Variants in CCBE1 observed in about 807,000 individuals in gnomAD.
CCBE1 encodes collagen and calcium-binding EGF domain-containing protein 1.
CCBE1 carries 37 observed loss-of-function variants against 50.0 expected under a neutral mutation model. That is an observed-to-expected ratio of 0.74 (90% CI 0.57 to 0.97). CCBE1 has a LOEUF of 0.97. Among genes scored for constraint, CCBE1 ranks in the 50% least tolerant of loss-of-function variants. The pLI, the probability that CCBE1 is intolerant of heterozygous loss-of-function variation, is 0.00. For synonymous variants in CCBE1, 234 were observed against 203.7 expected, an observed-to-expected ratio of 1.15 and a Z score of -1.27; for missense variants, 538 against 523.8, an observed-to-expected ratio of 1.03 and a Z score of -0.26.
rs529620696 is a variant in CCBE1, at chr18:59,579,902, C to T, written c.213-99664G>A. Among the ~76,000 whole-genome samples the T allele has an allele frequency of 5.9e-5, 9 of 152,102 alleles. No individual in the cohort carries two copies. The East Asian group carries it at 1.7e-3, about 29-fold the overall frequency. ...CCCTAGAACAACTGCTGCTGCTGAG[C>T]ACATGAAAAAAAAGATGCCTCTGGG... On this transcript the variant is annotated intron_variant, in intron 2 of 10. Transcript: ENST00000439986.
In CCBE1 at chr18:59,619,814, G is replaced by A. The variant is rs567112778; in HGVS notation, c.212+76815C>T. Among the ~76,000 whole-genome samples the A allele has an allele frequency of 3.6e-3, 553 of 152,176 alleles. 6 individuals carry two copies. Among genetic ancestry groups the A allele is most frequent in the Non-Finnish European group, 6.4e-3 (437 of 68,010 alleles). On this transcript the variant is annotated intron_variant, in intron 2 of 10. Transcript: ENST00000439986. ...TCCTCTTGTTTTGATGAGGTAAAGA[G>A]GTCTTAAACTATTCCAGCTGAATTT...
At chr18:59,696,384 G>C in intron 2 of CCBE1, 1 of 986,844 alleles carries the variant, frequency 1.0e-6, no homozygotes, top group Non-Finnish European at 1.4e-6. Flanking sequence ...GTATTTCAGG[G>C]AGCGGCAACC....
At chr18:59,531,448 A>G (rs1450521485) in intron 2 of CCBE1, among the ~76,000 whole-genome samples, 1 of 152,194 alleles carries the variant, frequency 6.6e-6, no homozygotes, top group Non-Finnish European at 1.5e-5. Flanking sequence ...GCCAAAAAAA[A>G]TTTTGTCCCC....
At chr18:59,548,297 G>A (rs1915785746) in intron 2 of CCBE1, among the ~76,000 whole-genome samples, 1 of 152,166 alleles carries the variant, frequency 6.6e-6, no homozygotes, top group Admixed American at 6.5e-5. Context: ...CTGACATGAA[G>A]ACAATAAAAT....
intron 10 of CCBE1, among the ~76,000 whole-genome samples, chr18:59,436,503 C>A (rs1393458710): frequency 6.6e-6 from 1 of 152,190 alleles, no homozygotes; most frequent in Non-Finnish European, 1.5e-5. Context: ...GGATTTGAAT[C>A]TCATCTCTGC....
chr18:59,515,486 A>T (rs1422680552), intron 2 of CCBE1, among the ~76,000 whole-genome samples: 1 of 152,198 alleles, frequency 6.6e-6, no homozygotes, highest in East Asian at 1.9e-4. Flanking sequence ...ATGTCTTCTC[A>T]GAGTTACTAT....
intron 5 of CCBE1, chr18:59,459,109 C>A (rs1170308081): frequency 6.6e-6 from 1 of 152,144 alleles, no homozygotes; most frequent in Non-Finnish European, 1.5e-5. Flanking sequence ...CAGAACAGTG[C>A]CCAGCTTATG....
chr18:59,465,255 C>T (rs1598923413), intron 5 of CCBE1, among the ~76,000 whole-genome samples: 1 of 152,364 alleles, frequency 6.6e-6, no homozygotes, highest in East Asian at 1.9e-4. Context: ...CTGCTTCACA[C>T]ATGCATATGG....
chr18:59,588,547 A>G (rs1257653934), intron 2 of CCBE1, among the ~76,000 whole-genome samples: 1 of 152,160 alleles, frequency 6.6e-6, no homozygotes, highest in Non-Finnish European at 1.5e-5. Context: ...GGAACCACGC[A>G]GTATGTTTTC....
At chr18:59,671,855 C>T (rs75243933) in intron 2 of CCBE1, among the ~76,000 whole-genome samples, 1 of 151,284 alleles carries the variant, frequency 6.6e-6, no homozygotes, top group Non-Finnish European at 1.5e-5. Context: ...TCCTAGAGAG[C>T]AGATTTAATG....
At chr18:59,657,327 A>G (rs1390764596) in intron 2 of CCBE1, among the ~76,000 whole-genome samples, 1 of 152,178 alleles carries the variant, frequency 6.6e-6, no homozygotes, top group Non-Finnish European at 1.5e-5. Context: ...AGGGAATGCC[A>G]AGGCTGTGAC....
chr18:59,684,093 G>A (rs1469151445), intron 2 of CCBE1, among the ~76,000 whole-genome samples: 1 of 152,132 alleles, frequency 6.6e-6, no homozygotes, highest in East Asian at 1.9e-4. Context: ...AAACACTGAG[G>A]GTTTCTGGAA....
chr18:59,604,973 A>C (rs1296053888), intron 2 of CCBE1, among the ~76,000 whole-genome samples: 1 of 152,176 alleles, frequency 6.6e-6, no homozygotes, highest in Non-Finnish European at 1.5e-5. Flanking sequence ...CAAACTGGAG[A>C]CGGGAGCTCA....
chr18:59,666,529 C>T (rs951715841), intron 2 of CCBE1, among the ~76,000 whole-genome samples: 10 of 152,226 alleles, frequency 6.6e-5, no homozygotes, highest in African/African-American at 2.4e-4. Context: ...TCACTCAGGG[C>T]CTGTGGAAAC....
At chr18:59,513,531 G>T (rs557798916) in intron 2 of CCBE1, among the ~76,000 whole-genome samples, 2 of 152,220 alleles carry the variant, frequency 1.3e-5, no homozygotes, top group African/African-American at 4.8e-5. Context: ...CGACACCACA[G>T]TCAGGTAAGT....
chr18:59,670,229 T>C (rs1348117747), intron 2 of CCBE1, among the ~76,000 whole-genome samples: 1 of 152,156 alleles, frequency 6.6e-6, no homozygotes, highest in Non-Finnish European at 1.5e-5. Context: ...AGTGAAAAAT[T>C]ATAATAAAAA....
intron 2 of CCBE1, among the ~76,000 whole-genome samples, chr18:59,676,700 A>G (rs2054508439): frequency 6.6e-6 from 1 of 152,210 alleles, no homozygotes; most frequent in South Asian, 2.1e-4. Context: ...AATAAAGTAC[A>G]AGCAATTTTA....
intron 2 of CCBE1, among the ~76,000 whole-genome samples, chr18:59,497,285 A>G (rs75307325): frequency 0.019 from 2,941 of 152,328 alleles, 82 homozygotes; most frequent in African/African-American, 0.065. Flanking sequence ...TGAGCAACTC[A>G]CTGATAGATG....
At chr18:59,482,757 T>C (rs1206378653) in intron 2 of CCBE1, among the ~76,000 whole-genome samples, 1 of 151,954 alleles carries the variant, frequency 6.6e-6, no homozygotes, top group Non-Finnish European at 1.5e-5. Context: ...CGCATTACTT[T>C]CCCCATTCCT....
Sources: gnomAD v4.1 joint callset for allele counts (sites outside exome capture counted in the v4.1 genomes callset) on GRCh38, gnomAD v4.1.1 for gene constraint, MANE v1.5 for transcripts, NCBI Gene and HGNC (gene_info 2026-07-23, HGNC 2026-07-21) for gene names.